The following NDST3 variants were observed in gnomAD, a reference collection of about 807,000 sequenced individuals.
NDST3 encodes N-deacetylase and N-sulfotransferase 3, also known as bifunctional heparan sulfate N-deacetylase/N-sulfotransferase 3.
NDST3 carries 58 observed loss-of-function variants against 96.1 expected under a neutral mutation model. That is an observed-to-expected ratio of 0.60 (90% confidence interval 0.49 to 0.75). NDST3 has a LOEUF of 0.75. Ranked by LOEUF, NDST3 falls within the 30% of genes least tolerant of loss-of-function variation. The pLI is 0.00. For missense variants in NDST3, 788 were observed against 1,034.2 expected (o/e 0.76, Z 3.27); for synonymous variants, 333 against 359.7 (o/e 0.93, Z 0.84).
At chr4:118,178,467 A>G (rs1245921441) in intron 6 of NDST3, among the ~76,000 whole-genome samples, 1 of 152,080 alleles carries the variant, frequency 6.6e-6, no homozygotes, top group African/African-American at 2.4e-5. Context: ...TTCACTTAGC[A>G]TAATATCCTC....
chr4:118,110,587 T>G (rs1162756242), intron 3 of NDST3, among the ~76,000 whole-genome samples: 1 of 152,194 alleles, frequency 6.6e-6, no homozygotes, highest in Non-Finnish European at 1.5e-5. Context: ...TGATTTTAAA[T>G]ATAATATCAG....
intron 6 of NDST3, among the ~76,000 whole-genome samples, chr4:118,183,158 G>A (rs1736711240): frequency 6.6e-6 from 1 of 152,160 alleles, no homozygotes; most frequent in African/African-American, 2.4e-5. Flanking sequence ...ACTACAGGCA[G>A]AGATCCAGGA....
chr4:118,110,760 A>G (rs1326682446), intron 3 of NDST3, among the ~76,000 whole-genome samples: 1 of 152,220 alleles, frequency 6.6e-6, no homozygotes, highest in Non-Finnish European at 1.5e-5. Flanking sequence ...AAATTTCTCA[A>G]AGAACTTAAA....
At chr4:118,254,147 A>G (rs1741953628) in intron 13 of NDST3, among the ~76,000 whole-genome samples, 2 of 151,590 alleles carry the variant, frequency 1.3e-5, no homozygotes, top group South Asian at 4.2e-4. Context: ...CAGGAGGCTG[A>G]GGCAGGAGGA....
intron 6 of NDST3, among the ~76,000 whole-genome samples, chr4:118,172,714 T>C (rs1433017406): frequency 1.3e-5 from 2 of 152,130 alleles, no homozygotes; most frequent in African/African-American, 2.4e-5. Context: ...AAAGCACTGA[T>C]TAAAAGTGCT....
At chr4:118,037,591 T>C (rs1286070734) in intron 1 of NDST3, among the ~76,000 whole-genome samples, 1 of 152,172 alleles carries the variant, frequency 6.6e-6, no homozygotes, top group Non-Finnish European at 1.5e-5. Flanking sequence ...GTAATCCATA[T>C]ACCACTCCAA....
rs1312704823 is a variant in NDST3 at position 118,143,465 on chromosome 4, G to T, written c.1411-91G>T. On this transcript the variant is annotated intron_variant, in intron 5 of 13. Transcript: ENST00000296499. ...TTAGACCTGAATAATTCACTAGCTT[G>T]TGCATCATCTTGTGTGAGCAAAAAG... is the stretch of plus-strand genomic sequence containing the variant. 4 of 1,336,588 alleles carry T rather than the reference G, an allele frequency of 3.0e-6. No homozygotes were observed. In the East Asian group the frequency reaches 7.4e-5, roughly 25 times the overall value. The allele number at this position is 1,336,588 out of a possible 1,614,324, so 82.8% of individuals were successfully genotyped here.
rs1741906452 is a variant in NDST3 at position 118,253,587 on chromosome 4, C to T, written c.2488C>T (p.Pro830Ser). Residue 830 changes from proline to serine, a missense_variant, in exon 13 of 14, where the codon CCA becomes TCA. By Grantham distance (74) the Pro-to-Ser change is moderately conservative. Coordinates refer to ENST00000296499, the MANE Select transcript of NDST3 (RefSeq NM_004784.3). ...LGKSKGRKYP[P>S]MDSDSRTFLS... ...AAAGAGCAAAGGAAGAAAATACCCT[C>T]CAATGGATTCTGATGTAAGCATAGA... The T allele has an allele frequency of 6.2e-7, 1 of 1,608,164 alleles. No individual in the cohort carries two copies. Among genetic ancestry groups the T allele is most frequent in the African/African-American group, 1.3e-5 (1 of 74,730 alleles).
chr4:118,247,710 G>T, intron 12 of NDST3, among the ~76,000 whole-genome samples: 1 of 152,124 alleles, frequency 6.6e-6, no homozygotes. Context: ...ATATAAACTT[G>T]CTAAATAGTG....
chr4:118,137,312 G>A (rs532764680), intron 4 of NDST3, among the ~76,000 whole-genome samples: 4 of 151,310 alleles, frequency 2.6e-5, no homozygotes, highest in South Asian at 4.2e-4. Context: ...TAAAAGACAC[G>A]TTTCATTTTG....
At chr4:118,223,002 T>C (rs1739649112) in intron 6 of NDST3, among the ~76,000 whole-genome samples, 1 of 151,916 alleles carries the variant, frequency 6.6e-6, no homozygotes, top group South Asian at 2.1e-4. Flanking sequence ...GACAAATCTT[T>C]CATAAAAATA....
intron 5 of NDST3, among the ~76,000 whole-genome samples, chr4:118,141,117 T>A (rs1038105652): frequency 6.6e-6 from 1 of 152,190 alleles, no homozygotes; most frequent in African/African-American, 2.4e-5. Context: ...TCAGTCCACA[T>A]TGGCCAAGAT....
chr4:118,081,411 TG>T (rs1727999539), intron 2 of NDST3, among the ~76,000 whole-genome samples: 2 of 14,696 alleles, frequency 1.4e-4, no homozygotes, highest in East Asian at 8.9e-3. Flanking sequence ...TGCAAGTGAT[TG>T]TGTGTGTGTG....
intron 2 of NDST3, among the ~76,000 whole-genome samples, chr4:118,077,437 C>T (rs977731554): frequency 6.6e-6 from 1 of 152,226 alleles, no homozygotes. Context: ...CAGATAGACT[C>T]TTGGCGGCAT....
rs565393824 is a variant in NDST3 at position 118,129,492 on chromosome 4, T to C, written c.1225-8562T>C. Among the ~76,000 whole-genome samples the C allele has an allele frequency of 1.2e-4, 19 of 152,170 alleles. 2 individuals carry two copies. The South Asian group carries it at 3.9e-3, about 31-fold the overall frequency. On this transcript the variant is annotated intron_variant, in intron 4 of 13. Transcript: ENST00000296499. ...TTGTTTAATTTCCATTGAGTTTGTA[T>C]AGTTTCCAAAATTCCTCTTGTTGAT...
chr4:118,254,897 T>C (rs565515120), intron 13 of NDST3, among the ~76,000 whole-genome samples: 1 of 152,278 alleles, frequency 6.6e-6, no homozygotes, highest in East Asian at 1.9e-4. Flanking sequence ...AGAGTTTCTG[T>C]TATTTTGATA....
chr4:118,040,967 TCCACCCCTGA>T (rs1452659343), intron 1 of NDST3, among the ~76,000 whole-genome samples: 4 of 150,928 alleles, frequency 2.7e-5, no homozygotes, highest in Admixed American at 2.6e-4. Context: ...CAGGCTGGTC[TCCACCCCTGA>T]GCTCAAGTGA....
chr4:118,255,725 A>ACTTGAGACTTCAT lies in NDST3; in HGVS notation c.*15_*27dup. On this transcript the variant is annotated 3_prime_UTR_variant, in exon 14 of 14. Coordinates refer to ENST00000296499, the MANE Select transcript of NDST3 (RefSeq NM_004784.3). ...GAAAGTAAGATAGCACTGAGAGAAA[A>ACTTGAGACTTCAT]CTTGAGACTTCATCGTCCATGTAGA... 6.2e-7 allele frequency: 1 copy of ACTTGAGACTTCAT among 1,603,766 alleles called. No individual in the cohort carries two copies. Among genetic ancestry groups the ACTTGAGACTTCAT allele is most frequent in the Non-Finnish European group, 8.5e-7 (1 of 1,174,752 alleles).
chr4:118,233,798 G>T (rs4147036), intron 9 of NDST3, among the ~76,000 whole-genome samples: 3,171 of 152,264 alleles, frequency 0.021, 42 homozygotes, highest in South Asian at 0.034. Context: ...TGCTATGAAG[G>T]TATAATGCTG....
Sources: allele counts gnomAD v4.1 joint callset (sites outside exome capture counted in the v4.1 genomes callset), GRCh38; gene constraint gnomAD v4.1.1; transcripts MANE v1.5; gene names NCBI Gene and HGNC (gene_info 2026-07-23, HGNC 2026-07-21).